Variants in PARD3B observed in about 807,000 individuals in gnomAD.
PARD3B encodes the protein par-3 family cell polarity regulator beta, also known as partitioning defective 3 homolog B.
In PARD3B, 103 loss-of-function variants were observed where a neutral mutation model predicts 130.2. The ratio of observed to expected loss-of-function variants is 0.79; its 90% CI spans 0.67 to 0.93. The LOEUF (loss-of-function observed/expected upper bound fraction) is 0.93. PARD3B is among the 40% of genes least tolerant of loss of function. PARD3B has a pLI of 0.00. For missense variants in PARD3B, 1,609 were observed against 1,499.2 expected (o/e 1.07, Z -1.21); for synonymous variants, 583 against 553.2 (o/e 1.05, Z -0.76).
chr2:205,184,453 T>C (rs766639625), intron 13 of PARD3B, among the ~76,000 whole-genome samples: 1 of 152,106 alleles, frequency 6.6e-6, no homozygotes, highest in Non-Finnish European at 1.5e-5. Flanking sequence ...TTAAATATAA[T>C]TTAGTTTGGC....
intron 2 of PARD3B, among the ~76,000 whole-genome samples, chr2:204,733,261 ACAT>A (rs1181300121): frequency 5.9e-5 from 9 of 152,316 alleles, no homozygotes; most frequent in African/African-American, 2.2e-4. Context: ...CACTTAGATA[ACAT>A]CATAAAACAT....
intron 1 of PARD3B, among the ~76,000 whole-genome samples, chr2:204,556,767 T>C (rs529560023): frequency 1.1e-4 from 16 of 152,200 alleles, no homozygotes; most frequent in Non-Finnish European, 1.8e-4. Flanking sequence ...TTTAAAAATA[T>C]GTGTATAAAC....
At chr2:204,791,695 A>T (rs1398820465) in intron 2 of PARD3B, among the ~76,000 whole-genome samples, 1 of 152,136 alleles carries the variant, frequency 6.6e-6, no homozygotes, top group Non-Finnish European at 1.5e-5. Context: ...TTCTTTTTGA[A>T]TTGCCTCACC....
chr2:205,286,860 T>A (rs1344682571), intron 16 of PARD3B, among the ~76,000 whole-genome samples: 2 of 152,222 alleles, frequency 1.3e-5, no homozygotes, highest in Non-Finnish European at 2.9e-5. Flanking sequence ...ATAGCAAGAA[T>A]TGATTTTACC....
intron 10 of PARD3B, among the ~76,000 whole-genome samples, chr2:205,126,097 G>A (rs1402660543): frequency 6.6e-6 from 1 of 152,192 alleles, no homozygotes; most frequent in African/African-American, 2.4e-5. Context: ...GAAGTTTACA[G>A]TCTAACAGGA....
At chr2:204,808,850 T>C (rs573141951) in intron 2 of PARD3B, among the ~76,000 whole-genome samples, 12 of 152,206 alleles carry the variant, frequency 7.9e-5, no homozygotes, top group Non-Finnish European at 1.8e-4. Context: ...ATATACCCAG[T>C]AATGGGATTG....
intron 2 of PARD3B, among the ~76,000 whole-genome samples, chr2:204,692,328 T>G (rs902860462): frequency 6.6e-6 from 1 of 152,218 alleles, no homozygotes; most frequent in South Asian, 2.1e-4. Flanking sequence ...TTATAAAAAC[T>G]CCTCTTTTAA....
intron 2 of PARD3B, among the ~76,000 whole-genome samples, chr2:204,855,844 A>T (rs892728709): frequency 4.0e-5 from 6 of 151,816 alleles, no homozygotes; most frequent in African/African-American, 1.5e-4. Context: ...TGAGCAAAGT[A>T]CTCTAGTTCC....
chr2:205,039,896 G>C (rs1215946466), intron 3 of PARD3B, among the ~76,000 whole-genome samples: 1 of 152,194 alleles, frequency 6.6e-6, no homozygotes, highest in Non-Finnish European at 1.5e-5. Context: ...AGTAAAACTA[G>C]AGTAGAAATA....
At chr2:204,613,698 T>C (rs895350092) in intron 1 of PARD3B, among the ~76,000 whole-genome samples, 4 of 152,128 alleles carry the variant, frequency 2.6e-5, no homozygotes, top group African/African-American at 9.6e-5. Context: ...AAAAGTTTTA[T>C]TTTTAAGAGC....
chr2:204,667,130 G>T (rs111946602), intron 1 of PARD3B, among the ~76,000 whole-genome samples: 1 of 152,076 alleles, frequency 6.6e-6, no homozygotes, highest in African/African-American at 2.4e-5. Flanking sequence ...CTTAATCATG[G>T]GTGTTATAAA....
At chr2:205,508,437 T>TGGCATGCA (rs2050458347) in intron 21 of PARD3B, among the ~76,000 whole-genome samples, 1 of 152,030 alleles carries the variant, frequency 6.6e-6, no homozygotes. Flanking sequence ...GGGGGTGTGG[T>TGGCATGCA]GGCATGCATC....
chr2:205,018,754 C>T (rs910885506), intron 3 of PARD3B, among the ~76,000 whole-genome samples: 3 of 62,540 alleles, frequency 4.8e-5, no homozygotes, highest in East Asian at 3.1e-4. Flanking sequence ...AAAAAAAGCA[C>T]GCTGATTAAT....
chr2:204,554,778 G>A (rs1048616087), intron 1 of PARD3B, among the ~76,000 whole-genome samples: 9 of 152,080 alleles, frequency 5.9e-5, no homozygotes, highest in African/African-American at 1.9e-4. Flanking sequence ...AAATGGCCTT[G>A]GAAGTGCTAC....
intron 16 of PARD3B, among the ~76,000 whole-genome samples, chr2:205,273,394 A>G (rs1261777629): frequency 6.6e-6 from 1 of 152,214 alleles, no homozygotes; most frequent in African/African-American, 2.4e-5. Context: ...TTCACCTAAC[A>G]AAACAATGCC....
At chr2:205,193,912 C>G (rs2036533060) in intron 15 of PARD3B, among the ~76,000 whole-genome samples, 1 of 152,170 alleles carries the variant, frequency 6.6e-6, no homozygotes, top group Non-Finnish European at 1.5e-5. Flanking sequence ...GCCTGAACAA[C>G]CTCACTGAGG....
intron 3 of PARD3B, among the ~76,000 whole-genome samples, chr2:204,998,864 C>A (rs1694583459): frequency 6.6e-6 from 1 of 152,060 alleles, no homozygotes; most frequent in South Asian, 2.1e-4. Context: ...CAGGCATGCG[C>A]CAACACGCCC....
intron 18 of PARD3B, among the ~76,000 whole-genome samples, chr2:205,400,693 A>T (rs116738379): frequency 0.012 from 1,812 of 152,222 alleles, 32 homozygotes; most frequent in African/African-American, 0.041. Flanking sequence ...CAACCTGAGT[A>T]ATAGAAGAAT....
intron 15 of PARD3B, among the ~76,000 whole-genome samples, chr2:205,216,440 T>C (rs941808511): frequency 1.3e-5 from 2 of 152,188 alleles, no homozygotes; most frequent in Non-Finnish European, 2.9e-5. Flanking sequence ...ACGTGTATAA[T>C]TTTTACTTTA....
Sources: allele counts gnomAD v4.1 joint callset (sites outside exome capture counted in the v4.1 genomes callset), GRCh38; gene constraint gnomAD v4.1.1; transcripts MANE v1.5; gene names NCBI Gene and HGNC (gene_info 2026-07-23, HGNC 2026-07-21).